The following KNTC1 variants were observed in gnomAD, a reference collection of about 807,000 sequenced individuals.
KNTC1 encodes kinetochore-associated protein 1.
Under a neutral mutation model 314.4 loss-of-function variants are expected in KNTC1, and 253 were observed. The observed-to-expected ratio is 0.80, with a 90% CI of 0.73 to 0.89. The LOEUF is 0.89. Ranked by LOEUF, KNTC1 falls within the 40% of genes least tolerant of loss-of-function variation. The pLI, the probability that KNTC1 is intolerant of heterozygous loss-of-function variation, is 0.00. For missense variants in KNTC1, 2,475 were observed against 2,572.9 expected, an observed-to-expected ratio of 0.96 and a Z score of 0.82; for synonymous variants, 901 against 901.4, an observed-to-expected ratio of 1.00 and a Z score of 0.01.
At chr12:122,542,651 G>A (rs1389075849) in intron 6 of KNTC1, among the ~76,000 whole-genome samples, 1 of 152,134 alleles carries the variant, frequency 6.6e-6, no homozygotes, top group Admixed American at 6.6e-5. Context: ...TGTAATCCCA[G>A]CTAGTCGGGA....
chr12:122,544,571 A>G (rs1962619339), intron 8 of KNTC1, among the ~76,000 whole-genome samples: 1 of 152,188 alleles, frequency 6.6e-6, no homozygotes, highest in African/African-American at 2.4e-5. Flanking sequence ...CTTTGTCACT[A>G]ATGGAAAAAC....
At chr12:122,597,984 C>CA in intron 44 of KNTC1, 46 bp downstream of exon 44, 1 of 1,441,350 alleles carries the variant, frequency 6.9e-7, no homozygotes, top group Non-Finnish European at 9.8e-7. Flanking sequence ...CCATCCCTCC[C>CA]ACCCTTAATA....
At chr12:122,560,194 CTT>C (rs1370184777) in intron 18 of KNTC1, among the ~76,000 whole-genome samples, 2 of 152,080 alleles carry the variant, frequency 1.3e-5, no homozygotes, top group Non-Finnish European at 2.9e-5. Flanking sequence ...GAATTTCTTT[CTT>C]TTTTGTTTAT....
At chr12:122,595,594 A>G (rs1001497291) in intron 43 of KNTC1, among the ~76,000 whole-genome samples, 1 of 152,238 alleles carries the variant, frequency 6.6e-6, no homozygotes, top group African/African-American at 2.4e-5. Flanking sequence ...GTCACCATCT[A>G]GTACCTGTAA....
At chr12:122,531,111 G>T (rs1323766495) in intron 2 of KNTC1, among the ~76,000 whole-genome samples, 3 of 151,768 alleles carry the variant, frequency 2.0e-5, no homozygotes, top group East Asian at 1.9e-4. Flanking sequence ...ATAAGGCAGG[G>T]CATCCACTGT....
rs1870185109 is a variant in KNTC1 at position 122,591,418 on chromosome 12, G to GA, written c.4211dup (p.Asp1404GlufsTer10). ...GCTTAAGTTCCGTGAACTCAGTACT[G>GA]ATGCCCAGTGGGGCATTCGTCTTGG... is the stretch of plus-strand genomic sequence containing the variant. On this transcript the variant is annotated frameshift_variant, in exon 42 of 64. Transcript: ENST00000333479. The GA allele has an allele frequency of 3.7e-6, 6 of 1,604,754 alleles. No individual in the cohort carries two copies. Among genetic ancestry groups the GA allele is most frequent in the Non-Finnish European group, 5.1e-6 (6 of 1,172,596 alleles).
At chr12:122,595,611 G>A (rs552845296) in intron 43 of KNTC1, among the ~76,000 whole-genome samples, 21 of 152,288 alleles carry the variant, frequency 1.4e-4, no homozygotes, top group African/African-American at 4.6e-4. Flanking sequence ...GTAAGTCAAG[G>A]ACTATAGGCT....
At chr12:122,551,834 A>C (rs1963218971) in intron 16 of KNTC1, 138 bp downstream of exon 16, 5 of 693,566 alleles carry the variant, frequency 7.2e-6, no homozygotes, top group Non-Finnish European at 1.2e-5. Context: ...AGTTGATTAG[A>C]GATTCAGAGG....
At chr12:122,601,315 G>A (rs1871860650) in intron 44 of KNTC1, among the ~76,000 whole-genome samples, 1 of 150,338 alleles carries the variant, frequency 6.7e-6, no homozygotes, top group South Asian at 2.1e-4. Flanking sequence ...TCGATCTCCT[G>A]ACCTCGTGAT....
intron 16 of KNTC1, among the ~76,000 whole-genome samples, chr12:122,554,074 A>ATATATATATATATAT (rs71445282): frequency 5.1e-4 from 36 of 70,676 alleles, no homozygotes; most frequent in African/African-American, 1.9e-3. Context: ...TAAAAAAAAA[A>ATATATATATATATAT]AAATATATAT....
At chr12:122,583,289 G>A (rs1191578146) in intron 34 of KNTC1, among the ~76,000 whole-genome samples, 3 of 152,070 alleles carry the variant, frequency 2.0e-5, no homozygotes, top group East Asian at 1.9e-4. Flanking sequence ...GCAAGACTCC[G>A]TCTCACAAAA....
chr12:122,617,150 T>C lies in KNTC1; in HGVS notation c.6031-1193T>C, dbSNP rs538411591. On this transcript the variant is annotated intron_variant, in intron 57 of 63. Coordinates refer to ENST00000333479, the MANE Select transcript of KNTC1 (RefSeq NM_014708.6). ...AGATTTGAGTTTCTATTTTTGGTCA[T>C]TATAAATAATGCTGCTATGAACATT... Among the ~76,000 whole-genome samples, 11 of 152,334 alleles carry C rather than the reference T, an allele frequency of 7.2e-5. No homozygotes were observed. The East Asian group carries it at 1.9e-3, about 27-fold the overall frequency.
chr12:122,613,416 C>A (rs1873398395), intron 54 of KNTC1, 186 bp downstream of exon 54: 1 of 652,698 alleles, frequency 1.5e-6, no homozygotes, highest in East Asian at 2.8e-5. Context: ...TTGTTTCCAT[C>A]GTTTCTTGGA....
intron 13 of KNTC1, among the ~76,000 whole-genome samples, chr12:122,550,525 C>T (rs541908910): frequency 1.3e-5 from 2 of 152,070 alleles, no homozygotes; most frequent in South Asian, 2.1e-4. Context: ...GTTGTCGAGA[C>T]AGGGTCTTGC....
intron 31 of KNTC1, among the ~76,000 whole-genome samples, chr12:122,578,358 T>C (rs552351251): frequency 6.6e-6 from 1 of 151,930 alleles, no homozygotes; most frequent in South Asian, 2.1e-4. Flanking sequence ...CTTCTAGCCT[T>C]AGCCTCCCAA....
intron 57 of KNTC1, among the ~76,000 whole-genome samples, chr12:122,615,925 C>T (rs1172025065): frequency 1.3e-5 from 2 of 152,148 alleles, no homozygotes; most frequent in African/African-American, 2.4e-5. Context: ...TCACGAGTCA[C>T]ATCTTTATTT....
chr12:122,574,312 A>G lies in KNTC1; in HGVS notation c.2314A>G (p.Thr772Ala). 1 of 1,610,488 alleles carries G rather than the reference A, an allele frequency of 6.2e-7. No homozygotes were observed. Among genetic ancestry groups the G allele is most frequent in the Admixed American group, 1.7e-5 (1 of 59,622 alleles). The part of the protein sequence containing the change: ...DLLNRCSSKS[T>A]SLFETAWEAK... ...ACTGAATAGATGCAGCTCAAAGTCCACATCACTCTTTGAAACAGCATGGGA... is the reference window on the plus strand; with the variant it reads ...ACTGAATAGATGCAGCTCAAAGTCCGCATCACTCTTTGAAACAGCATGGGA... Residue 772 changes from threonine to alanine, a missense_variant, in exon 27 of 64, where the codon ACA becomes GCA. Coordinates refer to ENST00000333479, the MANE Select transcript of KNTC1 (RefSeq NM_014708.6).
At position 122,551,347 on chromosome 12, in the gene KNTC1, G is replaced by T. The variant is rs1217016681; in HGVS notation, c.1115G>T (p.Cys372Phe). The T allele has an allele frequency of 6.3e-7, 1 of 1,591,602 alleles. No individual in the cohort carries two copies. The highest frequency in any genetic ancestry group is 8.6e-7 in the Non-Finnish European group (1 of 1,163,664). Reference protein sequence around the residue: ...TDTIYLLEGVCKNDPKLSEDS... With the variant: ...TDTIYLLEGVFKNDPKLSEDS... ...ACCATATACCTTTTAGAAGGAGTTTGCAAAAATGATCCAAAGTAGGTCATG... is the reference window on the plus strand; with the variant it reads ...ACCATATACCTTTTAGAAGGAGTTTTCAAAAATGATCCAAAGTAGGTCATG... The change falls in exon 14 of 64, where the codon TGC becomes TTC. Residue 372 changes from cysteine to phenylalanine, a missense_variant. By Grantham distance (205) the Cys-to-Phe change is radical. Coordinates refer to ENST00000333479, the MANE Select transcript of KNTC1 (RefSeq NM_014708.6).
rs1249385958 is a variant in KNTC1 at position 122,583,077 on chromosome 12, C to T, written c.3263+92C>T. 6.9e-6 allele frequency: 8 copies of T among 1,164,176 alleles called. No homozygotes were observed. In the Admixed American group the frequency reaches 1.1e-4, roughly 15 times the overall value. 72.1% of individuals were successfully genotyped at this position (1,164,176 alleles called of 1,614,324 possible). On this transcript the variant is annotated intron_variant, in intron 34 of 63. Transcript: ENST00000333479. ...CTGTAATCCCAGCAATTTAGGAGGC[C>T]GAGGCAGGCGGATCACAAGGTCAGG...
Sources: gnomAD v4.1 joint callset for allele counts (sites outside exome capture counted in the v4.1 genomes callset) on GRCh38, gnomAD v4.1.1 for gene constraint, MANE v1.5 for transcripts, NCBI Gene and HGNC (gene_info 2026-07-23, HGNC 2026-07-21) for gene names.